Variants in RRM2B observed in about 807,000 individuals in gnomAD.
The protein encoded by RRM2B is ribonucleoside-diphosphate reductase subunit M2 B.
A neutral mutation model predicts 45.9 loss-of-function variants in RRM2B; 20 were observed. The ratio of observed to expected loss-of-function variants is 0.44; its 90% CI spans 0.31 to 0.63. RRM2B has a LOEUF of 0.63. Ranked by LOEUF, RRM2B falls within the 30% of genes least tolerant of loss-of-function variation. The pLI, the probability that RRM2B is intolerant of heterozygous loss-of-function variation, is 0.09. For synonymous variants in RRM2B, 124 were observed against 132.3 expected (o/e 0.94, Z 0.43); for missense variants, 320 against 414.7 (o/e 0.77, Z 1.98).
rs1810539504 is a variant in RRM2B at position 102,206,076 on chromosome 8, T to C, written c.*2057A>G. 3.9e-5 allele frequency: 6 copies of C among 152,258 alleles called. No homozygotes were observed. In the South Asian group the frequency reaches 1.2e-3, roughly 32 times the overall value. 9.4% of individuals were successfully genotyped at this position (152,258 alleles called of 1,614,324 possible). Reference sequence around the variant, plus strand: ...TAAATGTTAAGTTTTTGTATGGCAATATATAAATATCTTTAAACATATTAC... The same window carrying C: ...TAAATGTTAAGTTTTTGTATGGCAACATATAAATATCTTTAAACATATTAC... On this transcript the variant is annotated 3_prime_UTR_variant, in exon 9 of 9. Coordinates refer to ENST00000251810, the MANE Select transcript of RRM2B (RefSeq NM_015713.5).
intron 6 of RRM2B, among the ~76,000 whole-genome samples, chr8:102,215,045 TAAA>T (rs3063793): frequency 1.9e-4 from 12 of 61,760 alleles, no homozygotes; most frequent in Non-Finnish European, 2.7e-4. Context: ...AGCTAAATAT[TAAA>T]AAAAAAAAAA....
chr8:102,216,095 T>C (rs1019323005), intron 6 of RRM2B, among the ~76,000 whole-genome samples: 1 of 151,922 alleles, frequency 6.6e-6, no homozygotes, highest in African/African-American at 2.4e-5. Flanking sequence ...TAAAATCTGA[T>C]AGGTCAATAA....
intron 8 of RRM2B, 109 bp downstream of exon 8, chr8:102,212,666 AT>A: frequency 1.5e-6 from 1 of 668,022 alleles, no homozygotes; most frequent in South Asian, 1.9e-5. Flanking sequence ...TGTCATTGAC[AT>A]TTAAAAAATA....
chr8:102,205,648 A>G lies in RRM2B; in HGVS notation c.*2485T>C, dbSNP rs1810530512. 1 of 152,160 alleles carries G rather than the reference A, an allele frequency of 6.6e-6. No individual in the cohort carries two copies. The highest frequency in any genetic ancestry group is 1.5e-5 in the Non-Finnish European group (1 of 67,976). 9.4% of individuals were successfully genotyped at this position (152,160 alleles called of 1,614,324 possible). The stretch of plus-strand genomic sequence containing the variant: ...TTCCTAATGAACTTAACTTTATTAT[A>G]GCAATGATTTAAATACATGTACTGT... On this transcript the variant is annotated 3_prime_UTR_variant, in exon 9 of 9. Coordinates refer to ENST00000251810, the MANE Select transcript of RRM2B (RefSeq NM_015713.5).
chr8:102,228,375 T>A (rs777047794), intron 2 of RRM2B, among the ~76,000 whole-genome samples: 1 of 152,220 alleles, frequency 6.6e-6, no homozygotes, highest in Non-Finnish European at 1.5e-5. Context: ...AAATCCTCTG[T>A]ATTCACCACC....
At position 102,206,615 on chromosome 8, in the gene RRM2B, G is replaced by C. The variant is rs1810548195; in HGVS notation, c.*1518C>G. 1 of 152,128 alleles carries C rather than the reference G, an allele frequency of 6.6e-6. No individual in the cohort carries two copies. Among genetic ancestry groups the C allele is most frequent in the South Asian group, 2.1e-4 (1 of 4,826 alleles). The allele number at this position is 152,128 out of a possible 1,614,324, so 9.4% of individuals were successfully genotyped here. On this transcript the variant is annotated 3_prime_UTR_variant, in exon 9 of 9. Coordinates refer to ENST00000251810, the MANE Select transcript of RRM2B (RefSeq NM_015713.5). ...AATTGTATAAAGTACAGTTTGTTGG[G>C]AATGGGAAACAACTGCTTGAAGGGG...
At position 102,205,669 on chromosome 8, in the gene RRM2B, A is replaced by G. The variant is rs1392224549; in HGVS notation, c.*2464T>C. On this transcript the variant is annotated 3_prime_UTR_variant, in exon 9 of 9. Transcript: ENST00000251810. ...TTATAGCAATGATTTAAATACATGT[A>G]CTGTAAAAAAGAGAAAACAGTTGTA... The G allele has an allele frequency of 6.6e-6, 1 of 152,142 alleles. No individual in the cohort carries two copies. The highest frequency in any genetic ancestry group is 1.9e-4 in the East Asian group (1 of 5,202). The allele number at this position is 152,142 out of a possible 1,614,324, so 9.4% of individuals were successfully genotyped here.
chr8:102,206,157 A>C lies in RRM2B; in HGVS notation c.*1976T>G, dbSNP rs1810541594. The C allele has an allele frequency of 6.6e-6, 1 of 152,086 alleles. No individual in the cohort carries two copies. Among genetic ancestry groups the C allele is most frequent in the Non-Finnish European group, 1.5e-5 (1 of 67,996 alleles). 9.4% of individuals were successfully genotyped at this position (152,086 alleles called of 1,614,324 possible). A position where few individuals can be genotyped will look rare whatever the true frequency, so the allele number is the denominator to read the frequency against. On this transcript the variant is annotated 3_prime_UTR_variant, in exon 9 of 9. Coordinates refer to ENST00000251810, the MANE Select transcript of RRM2B (RefSeq NM_015713.5). Reference sequence around the variant, plus strand: ...TTGATACTTTAATATATATATTTAAAGTATATTCAATTAATGAGGAAATAG... The same window carrying C: ...TTGATACTTTAATATATATATTTAACGTATATTCAATTAATGAGGAAATAG...
intron 2 of RRM2B, among the ~76,000 whole-genome samples, chr8:102,228,662 T>A (rs1016501243): frequency 2.0e-5 from 3 of 151,966 alleles, no homozygotes; most frequent in Admixed American, 2.0e-4. Context: ...CTGCATGGAG[T>A]TTTGCTCCTG....
intron 7 of RRM2B, among the ~76,000 whole-genome samples, chr8:102,213,599 T>C (rs1277402566): frequency 6.6e-6 from 1 of 152,180 alleles, no homozygotes; most frequent in Non-Finnish European, 1.5e-5. Flanking sequence ...AATCCGTACA[T>C]ACCCTAACTT....
At position 102,238,841 on chromosome 8, in the gene RRM2B, G is replaced by C; in HGVS notation, c.34C>G (p.Leu12Val). ...GDPERPEAAG[L>V]DQDERSSSDT... ...GCAACATTTACCTCATCCTGATCCA[G>C]CCCGGCCGCTTCCGGCCTTTCCGGG... is the stretch of plus-strand genomic sequence containing the variant. The change falls in exon 1 of 9, where the codon CTG (leucine) becomes GTG (valine). Residue 12 changes from leucine to valine, a missense_variant. Leu to Val is a conservative substitution (Grantham distance 32). Transcript: ENST00000251810. 6.2e-7 allele frequency: 1 copy of C among 1,613,454 alleles called. No homozygotes were observed. Among genetic ancestry groups the C allele is most frequent in the Non-Finnish European group, 8.5e-7 (1 of 1,179,930 alleles).
intron 6 of RRM2B, among the ~76,000 whole-genome samples, chr8:102,215,642 T>C (rs768999004): frequency 1.3e-5 from 2 of 151,984 alleles, no homozygotes; most frequent in Admixed American, 6.6e-5. Context: ...GGATTGTTTT[T>C]AATTCAAAAG....
In RRM2B at chr8:102,224,140, C is replaced by T; in HGVS notation, c.456G>A (p.Arg152=). Residue 152 remains arginine, a splice_region_variant and synonymous_variant, in exon 5 of 9, where the codon AGG becomes AGA. Transcript: ENST00000251810. ...TTTCAATTGCATTAAATAAAAATTCCCTGTAAAAACAAAAGAATGAACAGC... is the reference window on the plus strand; with the variant it reads ...TTTCAATTGCATTAAATAAAAATTCTCTGTAAAAACAAAAGAATGAACAGC... ...IDTYIRDPKK[R]EFLFNAIETM... 6.3e-7 allele frequency: 1 copy of T among 1,585,566 alleles called. No individual in the cohort carries two copies. Among genetic ancestry groups the T allele is most frequent in the Non-Finnish European group, 8.7e-7 (1 of 1,154,214 alleles).
rs576784551 is a variant in RRM2B at position 102,206,384 on chromosome 8, A to T, written c.*1749T>A. 2.6e-5 allele frequency: 4 copies of T among 152,298 alleles called. No individual in the cohort carries two copies. The South Asian group carries it at 8.3e-4, about 32-fold the overall frequency. The allele number at this position is 152,298 out of a possible 1,614,324, so 9.4% of individuals were successfully genotyped here. The stretch of plus-strand genomic sequence containing the variant: ...TGAGATCAAATGAGATGATGTAAAA[A>T]CACTTGGCAAACTGAAGCAATGCAA... On this transcript the variant is annotated 3_prime_UTR_variant, in exon 9 of 9. Transcript: ENST00000251810.
Position 102,223,953 on chromosome 8 carries a change from G to GT in RRM2B, c.550+92dup, listed in dbSNP as rs1810879271. 53 of 891,564 alleles carry GT rather than the reference G, an allele frequency of 5.9e-5. No homozygotes were observed. In the South Asian group the frequency reaches 6.3e-4, roughly 11 times the overall value. The allele number at this position is 891,564 out of a possible 1,614,324, so 55.2% of individuals were successfully genotyped here. ...GACATTTGTACTCCTTTTCCATGCT[G>GT]TAACTTTGATTCGTACTGGATAGTC... On this transcript the variant is annotated intron_variant, in intron 5 of 8. Coordinates refer to ENST00000251810, the MANE Select transcript of RRM2B (RefSeq NM_015713.5).
rs1188438627 is a variant in RRM2B at position 102,224,896 on chromosome 8, A to T, written c.444T>A (p.Asp148Glu). Residue 148 changes from aspartate to glutamate, a missense_variant, in exon 4 of 9, where the codon GAT (aspartate) becomes GAA (glutamate). Asp to Glu is a conservative substitution (Grantham distance 45, BLOSUM62 2). This residue lies in a region of RRM2B where 225 missense variants were observed against 289.4 expected (regional missense o/e 0.78). Transcript: ENST00000251810. Reference protein sequence around the residue: ...YSLLIDTYIRDPKKREFLFNA... With the variant: ...YSLLIDTYIREPKKREFLFNA... ...AATCCCAACAATACCTTTTCTTGGGATCTCTGATGTAAGTGTCTATCAGCA... is the reference window on the plus strand; with the variant it reads ...AATCCCAACAATACCTTTTCTTGGGTTCTCTGATGTAAGTGTCTATCAGCA... 1 of 1,613,876 alleles carries T rather than the reference A, an allele frequency of 6.2e-7. No homozygotes were observed.
intron 1 of RRM2B, among the ~76,000 whole-genome samples, chr8:102,233,515 C>T (rs904171293): frequency 3.3e-5 from 5 of 152,318 alleles, no homozygotes; most frequent in African/African-American, 1.2e-4. Flanking sequence ...AATTTCTCTT[C>T]TTCCTGTACT....
At chr8:102,209,827 C>T (rs1810605566) in intron 8 of RRM2B, among the ~76,000 whole-genome samples, 1 of 152,128 alleles carries the variant, frequency 6.6e-6, no homozygotes, top group African/African-American at 2.4e-5. Context: ...ATACATGCTA[C>T]AACATGAATG....
chr8:102,219,981 G>C (rs1810802376), intron 5 of RRM2B, among the ~76,000 whole-genome samples: 1 of 152,224 alleles, frequency 6.6e-6, no homozygotes, highest in African/African-American at 2.4e-5. Context: ...GCTCACATCT[G>C]TAATACCAGC....
Sources: allele counts gnomAD v4.1 joint callset (sites outside exome capture counted in the v4.1 genomes callset), GRCh38; gene constraint gnomAD v4.1.1; regional missense constraint gnomAD v4.1.1; transcripts MANE v1.5; gene names NCBI Gene and HGNC (gene_info 2026-07-23, HGNC 2026-07-21).